GALNT16: variants seen among roughly 807,000 people sequenced by gnomAD.
GALNT16 encodes the protein UDP-GalNAc:polypeptide N-acetylgalactosaminyltransferase-like protein 1.
A neutral mutation model predicts 76.1 loss-of-function variants in GALNT16; 40 were observed. The ratio of observed to expected loss-of-function variants is 0.53; its 90% CI spans 0.41 to 0.68. GALNT16 has a LOEUF of 0.68. Among genes scored for constraint, GALNT16 ranks in the 30% least tolerant of loss-of-function variants. The pLI, the probability that GALNT16 is intolerant of heterozygous loss-of-function variation, is 0.00. For missense variants in GALNT16, 621 were observed against 731.9 expected, an observed-to-expected ratio of 0.85 and a Z score of 1.75; for synonymous variants, 276 against 285.2, an observed-to-expected ratio of 0.97 and a Z score of 0.32.
intron 1 of GALNT16, among the ~76,000 whole-genome samples, chr14:69,313,443 G>A (rs35613673): frequency 6.6e-6 from 1 of 152,038 alleles, no homozygotes; most frequent in Non-Finnish European, 1.5e-5. Context: ...GCCTGGAATG[G>A]CGGGCCTGAT....
In GALNT16 at chr14:69,333,738, C is replaced by T. The variant is rs375817118; in HGVS notation, c.967+138C>T. 8.5e-6 allele frequency: 5 copies of T among 590,560 alleles called. No homozygotes were observed. The highest frequency in any genetic ancestry group is 5.8e-5 in the African/African-American group (3 of 52,140). 36.6% of individuals were successfully genotyped at this position (590,560 alleles called of 1,614,324 possible). Reference sequence around the variant, plus strand: ...AGGTCATTTAATTCTCTCAAGGACCCTCTGAGGTAAGTACCATGATCTCCA... The same window carrying T: ...AGGTCATTTAATTCTCTCAAGGACCTTCTGAGGTAAGTACCATGATCTCCA... On this transcript the variant is annotated intron_variant, in intron 9 of 14. Transcript: ENST00000448469. This position sits in a 1 kb window ranked among gnomAD's most constrained non-coding sequence, Gnocchi z 4.2.
chr14:69,381,959 G>A, the GALNT16 span, among the ~76,000 whole-genome samples: 2 of 152,292 alleles, frequency 1.3e-5, no homozygotes, highest in South Asian at 2.1e-4. Context: ...CCAAAGTGCT[G>A]GGATTACAGG....
intron 1 of GALNT16, among the ~76,000 whole-genome samples, chr14:69,288,285 G>A (rs2044642936): frequency 6.6e-6 from 1 of 152,176 alleles, no homozygotes; most frequent in Non-Finnish European, 1.5e-5. Flanking sequence ...ATCCCGGCAG[G>A]ACTCTTCCCA....
At chr14:69,372,955 G>C in the GALNT16 span, among the ~76,000 whole-genome samples, 2 of 152,134 alleles carry the variant, frequency 1.3e-5, no homozygotes, top group African/African-American at 4.8e-5. Context: ...TGAGCATTGT[G>C]GTAATCCTTC....
At chr14:69,288,056 GAC>G (rs1314545850) in intron 1 of GALNT16, among the ~76,000 whole-genome samples, 1 of 152,010 alleles carries the variant, frequency 6.6e-6, no homozygotes, top group Non-Finnish European at 1.5e-5. Context: ...AAAGCAAACT[GAC>G]AGTGTCTGCC....
intron 1 of GALNT16, among the ~76,000 whole-genome samples, chr14:69,285,189 C>T (rs561758328): frequency 3.9e-5 from 6 of 152,096 alleles, no homozygotes; most frequent in East Asian, 3.9e-4. Flanking sequence ...TACAGGCGCC[C>T]GCTACCACGC....
chr14:69,293,159 A>T (rs918115852), intron 1 of GALNT16, among the ~76,000 whole-genome samples: 4 of 152,158 alleles, frequency 2.6e-5, no homozygotes, highest in African/African-American at 9.7e-5. Flanking sequence ...TCAGATGGCC[A>T]TATTGGTAGA....
At chr14:69,385,700 T>C in the GALNT16 span, among the ~76,000 whole-genome samples, 1 of 151,586 alleles carries the variant, frequency 6.6e-6, no homozygotes, top group Non-Finnish European at 1.5e-5. Context: ...AAATCCTCTC[T>C]TTTCATTCCC....
At chr14:69,360,872 C>T (rs766432157), downstream of GALNT16, among the ~76,000 whole-genome samples, 1 of 152,318 alleles carries the variant, frequency 6.6e-6, no homozygotes, top group Non-Finnish European at 1.5e-5. Flanking sequence ...GACGGGGCCA[C>T]GTGTCACCAC....
chr14:69,316,140 T>C (rs1392772409), intron 1 of GALNT16, among the ~76,000 whole-genome samples: 1 of 152,168 alleles, frequency 6.6e-6, no homozygotes, highest in Admixed American at 6.6e-5. Context: ...GGACAGTGAA[T>C]GACAGTCCTG....
chr14:69,286,267 A>C (rs12433032), intron 1 of GALNT16, among the ~76,000 whole-genome samples: 27,850 of 151,368 alleles, frequency 0.18, 3,217 homozygotes, highest in East Asian at 0.49. Flanking sequence ...TTTGGACTAC[A>C]CAGGTGTATG....
At chr14:69,380,676 G>C in the GALNT16 span, 2 of 1,185,916 alleles carry the variant, frequency 1.7e-6, no homozygotes, top group South Asian at 1.2e-5. Flanking sequence ...AGTCACAGTG[G>C]TCAATCACTG....
Position 69,325,391 on chromosome 14 carries a change from C to T in GALNT16, c.489C>T (p.Asp163=), listed in dbSNP as rs1200778350. Residue 163 remains aspartate (D), a synonymous_variant, in exon 4 of 15, where the codon GAC becomes GAT. Transcript: ENST00000448469. The part of the protein sequence containing the change: ...NLIQEIILVD[D]FSSDPEDCLL... ...TCCAGGAGATCATTTTAGTGGATGA[C>T]TTCAGCTCAGATCGTGAGTAGTCAC... 1.3e-6 allele frequency: 2 copies of T among 1,590,130 alleles called. No individual in the cohort carries two copies. The highest frequency in any genetic ancestry group is 1.1e-5 in the South Asian group (1 of 90,584).
rs79845169 is a variant in GALNT16, at chr14:69,299,670, C to T, written c.178-21041C>T. Among the ~76,000 whole-genome samples the T allele has an allele frequency of 7.9e-3, 1,206 of 152,290 alleles. 11 individuals carry two copies. Among genetic ancestry groups the T allele is most frequent in the African/African-American group, 0.027 (1,138 of 41,570 alleles). On this transcript the variant is annotated intron_variant, in intron 1 of 14. Transcript: ENST00000448469. Reference sequence around the variant, plus strand: ...CTGAGTGAATTATACATCTTGCTCACTGTGGGGAGCTGAGACTCAAATCAG... The same window carrying T: ...CTGAGTGAATTATACATCTTGCTCATTGTGGGGAGCTGAGACTCAAATCAG...
At chr14:69,323,849 G>A (rs921230957) in intron 2 of GALNT16, among the ~76,000 whole-genome samples, 1 of 152,120 alleles carries the variant, frequency 6.6e-6, no homozygotes. Context: ...TGAAAAAACG[G>A]GCACTGGTGG....
At chr14:69,351,803 C>T in intron 14 of GALNT16, 2 of 468,890 alleles carry the variant, frequency 4.3e-6, no homozygotes, top group Non-Finnish European at 7.6e-6. Context: ...GTCCTAGCTA[C>T]TCAGAGGCTG....
intron 13 of GALNT16, among the ~76,000 whole-genome samples, chr14:69,347,570 C>T (rs2045583258): frequency 6.6e-6 from 1 of 152,232 alleles, no homozygotes; most frequent in Non-Finnish European, 1.5e-5. Flanking sequence ...GACCAGCTCT[C>T]AGCTGCCTTG....
chr14:69,333,682 GA>G lies in GALNT16; in HGVS notation c.967+83del. On this transcript the variant is annotated intron_variant, in intron 9 of 14. Coordinates refer to ENST00000448469, the MANE Select transcript of GALNT16 (RefSeq NM_001168368.2). The surrounding 1 kb of genome is among the most constrained non-coding windows in gnomAD (Gnocchi z 4.2). Reference sequence around the variant, plus strand: ...CCCTGACAGAGCACTTTCTATGCGTGAGGACCTGCTCTAAGGACTTTACACA... The same window carrying G: ...CCCTGACAGAGCACTTTCTATGCGTGGGACCTGCTCTAAGGACTTTACACA... The G allele has an allele frequency of 1.3e-6, 1 of 771,858 alleles. No homozygotes were observed. The highest frequency in any genetic ancestry group is 1.5e-5 in the South Asian group (1 of 68,902). The allele number at this position is 771,858 out of a possible 1,614,324, so 47.8% of individuals were successfully genotyped here.
chr14:69,359,430 T>G (rs1379344588), downstream of GALNT16: 1 of 152,264 alleles, frequency 6.6e-6, no homozygotes, highest in African/African-American at 2.4e-5. Flanking sequence ...TCTCACTTCT[T>G]ACAAGTTTGA....
Sources: gnomAD v4.1 joint callset for allele counts (sites outside exome capture counted in the v4.1 genomes callset) on GRCh38, gnomAD v4.1.1 for gene constraint, Gnocchi (gnomAD v3.1) non-coding constraint, MANE v1.5 for transcripts, NCBI Gene and HGNC (gene_info 2026-07-23, HGNC 2026-07-21) for gene names.